The following IPO4 variants were observed in gnomAD, a reference collection of about 807,000 sequenced individuals.
The protein encoded by IPO4 is importin-4.
In IPO4, 91 loss-of-function variants were observed where a neutral mutation model predicts 133.5. The ratio of observed to expected loss-of-function variants is 0.68; its 90% CI spans 0.58 to 0.81. The LOEUF (loss-of-function observed/expected upper bound fraction) is 0.81, where lower values mean the gene tolerates loss of function less well. Among genes scored for constraint, IPO4 ranks in the 30% least tolerant of loss-of-function variants. The probability of loss-of-function intolerance (pLI) is 0.00; values close to 1 mark genes in which losing one functional copy is unlikely to be tolerated. For missense variants in IPO4, 1,279 were observed against 1,386.2 expected (o/e 0.92, Z 1.23); for synonymous variants, 607 against 581.6 (o/e 1.04, Z -0.63).
chr14:24,185,717 CAT>C (rs2039210403), intron 12 of IPO4, 142 bp downstream of exon 12: 2 of 912,240 alleles, frequency 2.2e-6, no homozygotes, highest in Non-Finnish European at 3.5e-6. Context: ...GCTGGTAAGC[CAT>C]GTCATTTATC....
rs1487488460 is a variant in IPO4, at chr14:24,183,573, G to A, written c.2063+17C>T. 2.5e-6 allele frequency: 4 copies of A among 1,614,124 alleles called. No homozygotes were observed. The highest frequency in any genetic ancestry group is 8.5e-7 in the Non-Finnish European group (1 of 1,179,986). Reference sequence around the variant, plus strand: ...CCCAGGCAGGGTTTTCAGTGCCAGGGAAGGGCGAATGCTCACCTGGTGTTC... The same window carrying A: ...CCCAGGCAGGGTTTTCAGTGCCAGGAAAGGGCGAATGCTCACCTGGTGTTC... On this transcript the variant is annotated intron_variant, in intron 20 of 29. Transcript: ENST00000354464.
In IPO4 at chr14:24,186,691, A is replaced by C; in HGVS notation, c.840+17T>G. The C allele has an allele frequency of 3.7e-6, 6 of 1,607,636 alleles. No homozygotes were observed. Among genetic ancestry groups the C allele is most frequent in the Non-Finnish European group, 5.1e-6 (6 of 1,174,298 alleles). On this transcript the variant is annotated intron_variant, in intron 9 of 29. Transcript: ENST00000354464. ...AGATGGGGGTGGGGTGATGTGTGTCAATGGGCACTCACTTACCTTGCTCTT... is the reference window on the plus strand; with the variant it reads ...AGATGGGGGTGGGGTGATGTGTGTCCATGGGCACTCACTTACCTTGCTCTT...
In IPO4 at chr14:24,185,224, G is replaced by A. The variant is rs780713619; in HGVS notation, c.1367C>T (p.Ala456Val). The A allele has an allele frequency of 6.2e-7, 1 of 1,614,126 alleles. No homozygotes were observed. The highest frequency in any genetic ancestry group is 1.1e-5 in the South Asian group (1 of 91,084). ...SVPLGHTHHLAKACYALENFV... is the reference protein window; with the variant it reads ...SVPLGHTHHLVKACYALENFV... ...ATTCTCCAGGGCATAGCAGGCCTTG[G>A]CTAGGTGGTGTGTGTGTCCAAGAGG... Residue 456 changes from alanine to valine, a missense_variant, in exon 14 of 30, where the codon GCC becomes GTC. Physicochemically the swap from Ala to Val is moderately conservative, Grantham distance 64. Around this residue, in one of 3 missense-constraint regions of IPO4, gnomAD observed 695 missense variants for 704.1 expected, o/e 0.99. Transcript: ENST00000354464.
chr14:24,180,563 GC>G lies in IPO4; in HGVS notation c.3124del (p.Ala1042ProfsTer7). On this transcript the variant is annotated frameshift_variant, in exon 30 of 30. Coordinates refer to ENST00000354464, the MANE Select transcript of IPO4 (RefSeq NM_024658.4). LOFTEE classifies it high-confidence loss of function. The part of the protein sequence containing the change: ...ADNKIPPDTK[A>X]ALLLLLTFLA... ...GAACGTCAGGAGCAGCAACAGTGCG[GC>G]CTTGGTGTCTGGGTGGAGAGGGAGG... 6.2e-7 allele frequency: 1 copy of G among 1,613,866 alleles called. No homozygotes were observed. The highest frequency in any genetic ancestry group is 8.5e-7 in the Non-Finnish European group (1 of 1,179,720).
intron 29 of IPO4, 25 bp from the exon 30 acceptor site, chr14:24,180,597 G>A (rs1291431114): frequency 6.2e-7 from 1 of 1,612,408 alleles, no homozygotes; most frequent in Non-Finnish European, 8.5e-7. Context: ...AGGGAGAAAG[G>A]TCGGGGCTCC....
intron 5 of IPO4, 42 bp from the exon 6 acceptor site, chr14:24,187,621 T>C (rs1334258112): frequency 1.2e-6 from 2 of 1,613,664 alleles, no homozygotes; most frequent in Non-Finnish European, 1.7e-6. Context: ...TTACAAGGTC[T>C]ATCCAGCCTC....
At position 24,184,298 on chromosome 14, in the gene IPO4, G is replaced by A. The variant is rs767236375; in HGVS notation, c.1757C>T (p.Thr586Met). 6.3e-6 allele frequency: 10 copies of A among 1,581,422 alleles called. No homozygotes were observed. Among genetic ancestry groups the A allele is most frequent in the East Asian group, 4.6e-5 (2 of 43,090 alleles). The change falls in exon 17 of 30, where the codon ACG becomes ATG. Residue 586 changes from threonine (T) to methionine (M), a missense_variant and splice_region_variant. This residue lies in a region of IPO4 where 575 missense variants were observed against 653.4 expected (regional missense o/e 0.88). Transcript: ENST00000354464. ...QVDDPDLRRC[T>M]YSLFAALSGL... ...AGAGGCAGGGTGAGGGGTCACTCACGTGCAGCGCCGCAAGTCAGGGTCGTC... is the reference window on the plus strand; with the variant it reads ...AGAGGCAGGGTGAGGGGTCACTCACATGCAGCGCCGCAAGTCAGGGTCGTC...
At position 24,183,407 on chromosome 14, in the gene IPO4, G is replaced by A. The variant is rs1444579956; in HGVS notation, c.2121+49C>T. On this transcript the variant is annotated intron_variant, in intron 21 of 29. Coordinates refer to ENST00000354464, the MANE Select transcript of IPO4 (RefSeq NM_024658.4). ...GTCTGCTATGTGCACCGTGAACACA[G>A]GGCCCCCAGCCTGAGAACCCCACCC... is the stretch of plus-strand genomic sequence containing the variant. 3.1e-6 allele frequency: 5 copies of A among 1,594,560 alleles called. No homozygotes were observed. In the African/African-American group the frequency reaches 5.4e-5, roughly 17 times the overall value.
rs2039229417 is a variant in IPO4, at chr14:24,186,801, GAAT to G, written c.757-13_757-11del. 6.2e-7 allele frequency: 1 copy of G among 1,613,532 alleles called. No homozygotes were observed. The highest frequency in any genetic ancestry group is 8.5e-7 in the Non-Finnish European group (1 of 1,179,434). On this transcript the variant is annotated splice_polypyrimidine_tract_variant and intron_variant, in intron 8 of 29. Transcript: ENST00000354464. ...CCACATTTCTAGCTACCTGTCCACA[GAAT>G]AATAAAAATCAGCGACAGGGAAGGA...
intron 4 of IPO4, 135 bp from the exon 5 acceptor site, chr14:24,187,931 T>A: frequency 9.1e-7 from 1 of 1,101,214 alleles, no homozygotes; most frequent in Non-Finnish European, 1.3e-6. Flanking sequence ...TTGGGACACA[T>A]GAGACAGCAG....
chr14:24,185,654 A>T lies in IPO4; in HGVS notation c.1170-87T>A, dbSNP rs117524798. ...CTGTTCTCTTCATTTTCCCTGGAAAAACCAAGGCTTTTCCTGTCACCAGAG... is the reference window on the plus strand; with the variant it reads ...CTGTTCTCTTCATTTTCCCTGGAAATACCAAGGCTTTTCCTGTCACCAGAG... On this transcript the variant is annotated intron_variant, in intron 12 of 29. Transcript: ENST00000354464. 6.3e-4 allele frequency: 822 copies of T among 1,307,034 alleles called. 3 individuals are homozygous for T. The highest frequency in any genetic ancestry group is 6.3e-3 in the East Asian group (266 of 42,506). 81.0% of individuals were successfully genotyped at this position (1,307,034 alleles called of 1,614,324 possible). A position where few individuals can be genotyped will look rare whatever the true frequency, so the allele number is the denominator to read the frequency against.
rs762787248 is a variant in IPO4 at position 24,185,280 on chromosome 14, C to T, written c.1311G>A (p.Met437Ile). 2 of 1,614,164 alleles carry T rather than the reference C, an allele frequency of 1.2e-6. No individual in the cohort carries two copies. The highest frequency in any genetic ancestry group is 1.7e-6 in the Non-Finnish European group (2 of 1,180,020). The stretch of plus-strand genomic sequence containing the variant: ...ACTTCAAGTAGGCGAGGAGCAGTGG[C>T]ATTACCTCCCTTGAATAGCTGCTGA... ...PHISSYSREV[M>I]PLLLAYLKSV... The change falls in exon 14 of 30, where the codon ATG (methionine) becomes ATA (isoleucine). Residue 437 changes from methionine (M) to isoleucine (I), a missense_variant. Physicochemically the swap from Met to Ile is conservative, Grantham distance 10. Coordinates refer to ENST00000354464, the MANE Select transcript of IPO4 (RefSeq NM_024658.4).
rs1368736117 is a variant in IPO4 at position 24,180,455 on chromosome 14, A to T, written c.3233T>A (p.Leu1078Gln). The T allele has an allele frequency of 6.2e-7, 1 of 1,611,628 alleles. No homozygotes were observed. Among genetic ancestry groups the T allele is most frequent in the Admixed American group, 1.7e-5 (1 of 59,804 alleles). The change falls in exon 30 of 30, where the codon CTG becomes CAG. Residue 1078 changes from leucine (L) to glutamine (Q), a missense_variant. Physicochemically the swap from Leu to Gln is moderately radical, Grantham distance 113. Coordinates refer to ENST00000354464, the MANE Select transcript of IPO4 (RefSeq NM_024658.4). ...VDKAQELQAV[L>Q]GLS is the part of the protein sequence containing the mutation. ...GCAGCCTGCAGTCTAGGAGAGGCCC[A>T]GTACAGCCTGGAGCTCCTGAGCCTT...
intron 1 of IPO4, 39 bp from the exon 2 acceptor site, chr14:24,188,677 C>T (rs759397640): frequency 6.2e-7 from 1 of 1,601,222 alleles, no homozygotes; most frequent in South Asian, 1.1e-5. Context: ...GCCTTTCCCG[C>T]AACCTCCCGC....
rs747338311 is a variant in IPO4, at chr14:24,185,846, CAG to C, written c.1169+13_1169+14del. 3.7e-6 allele frequency: 6 copies of C among 1,600,416 alleles called. No individual in the cohort carries two copies. Among genetic ancestry groups the C allele is most frequent in the East Asian group, 2.2e-5 (1 of 44,834 alleles). ...CCTGTGGGCAACCCTCACCCTGGGA[CAG>C]GGGAATACATACCTCTGCCTGATGT... is the stretch of plus-strand genomic sequence containing the variant. On this transcript the variant is annotated intron_variant, in intron 12 of 29. Coordinates refer to ENST00000354464, the MANE Select transcript of IPO4 (RefSeq NM_024658.4).
Position 24,180,705 on chromosome 14 carries a change from G to T in IPO4, c.3099C>A (p.Asp1033Glu), listed in dbSNP as rs202085991. 69 of 1,614,156 alleles carry T rather than the reference G, an allele frequency of 4.3e-5. No individual in the cohort carries two copies. In the African/African-American group the frequency reaches 8.0e-4, roughly 19 times the overall value. The part of the protein sequence containing the change: ...LLRICSLILA[D>E]NKIPPDTKAA... ...TACCCTCACCTGGTGGGATCTTGTT[G>T]TCAGCCAGAATGAGGCTGCAGATAC... Residue 1033 changes from aspartate to glutamate, a missense_variant, in exon 29 of 30, where the codon GAC becomes GAA. By Grantham distance (45) the Asp-to-Glu change is conservative (BLOSUM62 2). Coordinates refer to ENST00000354464, the MANE Select transcript of IPO4 (RefSeq NM_024658.4).
chr14:24,184,180 A>T, intron 17 of IPO4, 71 bp from the exon 18 acceptor site: 1 of 1,565,028 alleles, frequency 6.4e-7, no homozygotes, highest in South Asian at 1.1e-5. Context: ...GGAGCCCGGG[A>T]ACACCTGGCT....
At chr14:24,187,312 G>C in intron 6 of IPO4, 88 bp downstream of exon 6, 1 of 1,528,156 alleles carries the variant, frequency 6.5e-7, no homozygotes, top group Non-Finnish European at 9.0e-7. Flanking sequence ...GGCAGGTAAA[G>C]AATCCAAAGC....
chr14:24,183,866 CAG>C lies in IPO4; in HGVS notation c.1900_1901del (p.Leu634ValfsTer2), dbSNP rs1482723057. The stretch of plus-strand genomic sequence containing the variant: ...CTTCCCCATCACTCTCATCGTCAAA[CAG>C]AAGGAAGGAGCTGCTCCCGTCATAC... ...PQYDGSSSFL[L>X]FDDESDGEEE... On this transcript the variant is annotated frameshift_variant, in exon 19 of 30. Transcript: ENST00000354464. LOFTEE classifies it high-confidence loss of function. The C allele has an allele frequency of 2.5e-6, 4 of 1,614,008 alleles. No homozygotes were observed. The highest frequency in any genetic ancestry group is 3.4e-6 in the Non-Finnish European group (4 of 1,180,040).
Sources: allele counts gnomAD v4.1 joint callset, GRCh38; gene constraint gnomAD v4.1.1; regional missense constraint gnomAD v4.1.1; transcripts MANE v1.5; gene names NCBI Gene and HGNC (gene_info 2026-07-23, HGNC 2026-07-21).